Variants in EPS8L2 observed in about 807,000 individuals in gnomAD.
EPS8L2 encodes the protein epidermal growth factor receptor kinase substrate 8-like protein 2.
EPS8L2 carries 81 observed loss-of-function variants against 99.4 expected under a neutral mutation model. The ratio of observed to expected loss-of-function variants is 0.82; its 90% CI spans 0.68 to 0.98. The LOEUF (loss-of-function observed/expected upper bound fraction) is 0.98, where lower values mean the gene tolerates loss of function less well. Ranked by LOEUF, EPS8L2 falls within the 50% of genes least tolerant of loss-of-function variation. EPS8L2 has a pLI of 0.00. For missense variants in EPS8L2, 1,155 were observed against 968.8 expected (o/e 1.19, Z -2.55); for synonymous variants, 509 against 407.3 (o/e 1.25, Z -3.01).
chr11:710,213 GC>G (rs1219797751), intron 3 of EPS8L2: 2 of 569,616 alleles, frequency 3.5e-6, no homozygotes, highest in African/African-American at 3.8e-5. Flanking sequence ...TCTCCGAGCT[GC>G]GTCCTTCTCC....
intron 4 of EPS8L2, among the ~76,000 whole-genome samples, chr11:719,269 A>G (rs1862095111): frequency 6.6e-6 from 1 of 152,228 alleles, no homozygotes; most frequent in Non-Finnish European, 1.5e-5. Flanking sequence ...GCCCGGCCAC[A>G]CAAACTTTTA....
rs928349060 is a variant in EPS8L2, at chr11:719,977, C to T, written c.166-85C>T. On this transcript the variant is annotated intron_variant, in intron 4 of 20. Transcript: ENST00000318562. ...CTACCCAGGGTTGGCTGTGGCCCCTCAGCCCCTCAGGCTGTGGCCCCTGGG... is the reference window on the plus strand; with the variant it reads ...CTACCCAGGGTTGGCTGTGGCCCCTTAGCCCCTCAGGCTGTGGCCCCTGGG... 8 of 1,422,942 alleles carry T rather than the reference C, an allele frequency of 5.6e-6. No individual in the cohort carries two copies. The African/African-American group carries it at 8.6e-5, about 15-fold the overall frequency. 88.1% of individuals were successfully genotyped at this position (1,422,942 alleles called of 1,614,324 possible).
intron 7 of EPS8L2, 61 bp downstream of exon 7, chr11:720,970 G>GGGGA (rs1862147081): frequency 1.5e-6 from 2 of 1,295,154 alleles, no homozygotes; most frequent in Non-Finnish European, 2.1e-6. Context: ...CGGCAGGGGA[G>GGGGA]GGGAGGAGCC....
At position 727,475 on chromosome 11, in the gene EPS8L2, T is replaced by TG. The variant is rs1323533082; in HGVS notation, c.*499dup. 6.5e-6 allele frequency: 1 copy of TG among 153,792 alleles called. No homozygotes were observed. The highest frequency in any genetic ancestry group is 6.5e-5 in the Admixed American group (1 of 15,404). The allele number at this position is 153,792 out of a possible 1,614,324, so 9.5% of individuals were successfully genotyped here. On this transcript the variant is annotated 3_prime_UTR_variant, in exon 21 of 21. Coordinates refer to ENST00000318562, the MANE Select transcript of EPS8L2 (RefSeq NM_022772.4). The stretch of plus-strand genomic sequence containing the variant: ...GCCGTGGGTGCCATTCGGGGGAAAG[T>TG]GGGGGAACGACACACACTTCACCTG...
At chr11:713,549 A>G (rs988425490) in intron 4 of EPS8L2, among the ~76,000 whole-genome samples, 1 of 150,056 alleles carries the variant, frequency 6.7e-6, no homozygotes, top group African/African-American at 2.5e-5. Context: ...GCCTGGCTAA[A>G]TTTTTTTTTC....
rs1590057898 is a variant in EPS8L2, at chr11:726,122, G to A, written c.1705G>A (p.Ala569Thr). 1 of 1,607,084 alleles carries A rather than the reference G, an allele frequency of 6.2e-7. No individual in the cohort carries two copies. The highest frequency in any genetic ancestry group is 8.5e-7 in the Non-Finnish European group (1 of 1,177,198). The change falls in exon 18 of 21, where the codon GCC becomes ACC. Residue 569 changes from alanine to threonine, a missense_variant. By Grantham distance (58) the Ala-to-Thr change is moderately conservative. Coordinates refer to ENST00000318562, the MANE Select transcript of EPS8L2 (RefSeq NM_022772.4). ...EQAGQKYWGP[A>T]SPTHKLPPSF... is the part of the protein sequence containing the mutation. Reference sequence around the variant, plus strand: ...GGCCGGTCAGAAGTACTGGGGCCCCGCCAGCCCGACCCACAAGCTACCCCC... The same window carrying A: ...GGCCGGTCAGAAGTACTGGGGCCCCACCAGCCCGACCCACAAGCTACCCCC...
intron 3 of EPS8L2, chr11:709,997 G>C (rs1488792988): frequency 7.7e-6 from 3 of 389,866 alleles, no homozygotes; most frequent in African/African-American, 4.1e-5. Context: ...TCGCTAGCTA[G>C]ATGCACCCTT....
chr11:726,324 G>A lies in EPS8L2; in HGVS notation c.1774G>A (p.Glu592Lys). Residue 592 changes from glutamate to lysine, a missense_variant, in exon 19 of 21, where the codon GAG becomes AAG. Physicochemically the swap from Glu to Lys is moderately conservative, Grantham distance 56 (BLOSUM62 1). Coordinates refer to ENST00000318562, the MANE Select transcript of EPS8L2 (RefSeq NM_022772.4). Reference protein sequence around the residue: ...NKDELMQHMDEVNDELIRKIS... With the variant: ...NKDELMQHMDKVNDELIRKIS... ...CTCAGAGCTCATGCAGCACATGGAC[G>A]AGGTCAACGACGAGCTCATCCGGAA... The A allele has an allele frequency of 1.1e-5, 18 of 1,609,878 alleles. No homozygotes were observed. Among genetic ancestry groups the A allele is most frequent in the Non-Finnish European group, 1.5e-5 (18 of 1,178,820 alleles).
rs1861708341 is a variant in EPS8L2, at chr11:706,283, A to G, written c.-84A>G. On this transcript the variant is annotated 5_prime_UTR_variant, in exon 1 of 21. Coordinates refer to ENST00000318562, the MANE Select transcript of EPS8L2 (RefSeq NM_022772.4). ...GGACAGGCCGAGCGCGGGGCGCCGG[A>G]GGCAGGTGAGCGCTGCGGACACGGG... 1.3e-5 allele frequency: 2 copies of G among 151,588 alleles called. No homozygotes were observed. Among genetic ancestry groups the G allele is most frequent in the Non-Finnish European group, 2.9e-5 (2 of 67,876 alleles). 9.4% of individuals were successfully genotyped at this position (151,588 alleles called of 1,614,324 possible).
intron 16 of EPS8L2, 27 bp from the exon 17 acceptor site, chr11:725,701 G>C (rs1423190228): frequency 7.6e-7 from 1 of 1,313,278 alleles, no homozygotes; most frequent in East Asian, 3.1e-5. Context: ...CCTGGGTGTG[G>C]GGAGGGGCTG....
chr11:726,217 TG>T, intron 18 of EPS8L2, 47 bp downstream of exon 18: 1 of 1,549,232 alleles, frequency 6.5e-7, no homozygotes, highest in Non-Finnish European at 8.8e-7. Flanking sequence ...CAGGGCCACC[TG>T]GGGGAGGAAG....
chr11:725,826 C>T lies in EPS8L2; in HGVS notation c.1659C>T (p.Asp553=). The T allele has an allele frequency of 7.2e-7, 1 of 1,384,882 alleles. No individual in the cohort carries two copies. Among genetic ancestry groups the T allele is most frequent in the Non-Finnish European group, 9.3e-7 (1 of 1,074,720 alleles). 85.8% of individuals were successfully genotyped at this position (1,384,882 alleles called of 1,614,324 possible). The part of the protein sequence containing the change: ...CNILGEARPE[D]AGAPFEQAGQ... Reference sequence around the variant, plus strand: ...TCCTAGGCGAGGCGCGACCGGAGGACGCCGGCGCCCCGTTCGAGCAGGTGA... The same window carrying T: ...TCCTAGGCGAGGCGCGACCGGAGGATGCCGGCGCCCCGTTCGAGCAGGTGA... The change falls in exon 17 of 21, where the codon GAC becomes GAT. Residue 553 remains aspartate (D), a synonymous_variant. Coordinates refer to ENST00000318562, the MANE Select transcript of EPS8L2 (RefSeq NM_022772.4).
chr11:724,859 G>A lies in EPS8L2; in HGVS notation c.1560+30G>A, dbSNP rs755887042. On this transcript the variant is annotated intron_variant, in intron 16 of 20. Coordinates refer to ENST00000318562, the MANE Select transcript of EPS8L2 (RefSeq NM_022772.4). The surrounding 1 kb of genome is among the most constrained non-coding windows in gnomAD (Gnocchi z 5.5). ...GGGGCTGGAGGACGGGGTCCAAGAGGGGGAAACAGGGCAGGGCTTCAAGGG... is the reference window on the plus strand; with the variant it reads ...GGGGCTGGAGGACGGGGTCCAAGAGAGGGAAACAGGGCAGGGCTTCAAGGG... The A allele has an allele frequency of 7.2e-6, 11 of 1,532,176 alleles. No homozygotes were observed. The South Asian group carries it at 1.2e-4, about 17-fold the overall frequency. 94.9% of individuals were successfully genotyped at this position (1,532,176 alleles called of 1,614,324 possible).
intron 4 of EPS8L2, among the ~76,000 whole-genome samples, chr11:714,717 G>T (rs1315273104): frequency 6.8e-6 from 1 of 147,960 alleles, no homozygotes; most frequent in Non-Finnish European, 1.5e-5. Flanking sequence ...CACACTGATT[G>T]ACTGTTTTGA....
At chr11:722,046 GGCCCC>G (rs772310875) in intron 11 of EPS8L2, 40 bp from the exon 12 acceptor site, 1 of 1,607,694 alleles carries the variant, frequency 6.2e-7, no homozygotes, top group East Asian at 2.2e-5. Context: ...GGAGGGTGGA[GGCCCC>G]GCCCCGCCCC....
At chr11:712,515 G>C (rs868811808) in intron 4 of EPS8L2, among the ~76,000 whole-genome samples, 1 of 152,142 alleles carries the variant, frequency 6.6e-6, no homozygotes, top group Admixed American at 6.5e-5. Context: ...CTGGGCTTCC[G>C]GTTGTGGTCC....
At chr11:710,586 G>C (rs1284428685) in intron 4 of EPS8L2, 100 bp downstream of exon 4, 2 of 1,172,928 alleles carry the variant, frequency 1.7e-6, no homozygotes, top group Non-Finnish European at 2.5e-6. Context: ...ATAATTAGAC[G>C]GGCATGGTGG....
intron 17 of EPS8L2, 50 bp from the exon 18 acceptor site, chr11:726,047 TG>T: frequency 2.8e-6 from 3 of 1,072,052 alleles, no homozygotes; most frequent in Non-Finnish European, 3.9e-6. Context: ...GGGCAGGTGC[TG>T]GGAGGCGGGG....
In EPS8L2 at chr11:721,941, G is replaced by A. The variant is rs747338886; in HGVS notation, c.934G>A (p.Gly312Ser). 5 of 1,600,274 alleles carry A rather than the reference G, an allele frequency of 3.1e-6. No individual in the cohort carries two copies. Among genetic ancestry groups the A allele is most frequent in the South Asian group, 1.1e-5 (1 of 89,366 alleles). ...ACTGCGGGCACGGCCCCCCTCTGAG[G>A]GCGAGTTCATCGACTGCTTCCAGAA... ...LTLRARPPSE[G>S]EFIDCFQKIK... is the part of the protein sequence containing the mutation. The change falls in exon 11 of 21, where the codon GGC becomes AGC. Residue 312 changes from glycine (G) to serine (S), a missense_variant. Coordinates refer to ENST00000318562, the MANE Select transcript of EPS8L2 (RefSeq NM_022772.4).
Sources: allele counts gnomAD v4.1 joint callset (sites outside exome capture counted in the v4.1 genomes callset), GRCh38; gene constraint gnomAD v4.1.1; non-coding constraint Gnocchi (gnomAD v3.1); transcripts MANE v1.5; gene names NCBI Gene and HGNC (gene_info 2026-07-23, HGNC 2026-07-21).